The following AKT3 variants were observed in gnomAD, a reference collection of about 807,000 sequenced individuals.
AKT3 encodes the protein AKT serine/threonine kinase 3, also known as RAC-gamma serine/threonine-protein kinase.
A neutral mutation model predicts 65.3 loss-of-function variants in AKT3; 15 were observed. That is an observed-to-expected ratio of 0.23 (90% confidence interval 0.15 to 0.35). AKT3 has a LOEUF of 0.35. AKT3 is among the 10% of genes least tolerant of loss of function. AKT3 has a pLI of 1.00. For missense variants in AKT3, 243 were observed against 576.5 expected, an observed-to-expected ratio of 0.42 and a Z score of 5.92; for synonymous variants, 206 against 183.8, an observed-to-expected ratio of 1.12 and a Z score of -0.98.
chr1:243,737,776 A>T (rs939841732), intron 2 of AKT3, among the ~76,000 whole-genome samples: 4 of 152,226 alleles, frequency 2.6e-5, no homozygotes, highest in Admixed American at 6.5e-5. Context: ...TTTTGTTATA[A>T]ATCAGATGAA....
intron 2 of AKT3, among the ~76,000 whole-genome samples, chr1:243,783,048 G>C (rs1691012118): frequency 6.6e-6 from 1 of 152,140 alleles, no homozygotes; most frequent in South Asian, 2.1e-4. Flanking sequence ...GAGTGATAAA[G>C]CATCTTTTAT....
intron 10 of AKT3, among the ~76,000 whole-genome samples, chr1:243,557,623 T>TAGAA (rs999228840): frequency 2.6e-5 from 4 of 151,986 alleles, no homozygotes; most frequent in Admixed American, 1.3e-4. Flanking sequence ...CAACATACTA[T>TAGAA]AGAAAGAAAT....
At chr1:243,765,544 T>C (rs74151215) in intron 2 of AKT3, among the ~76,000 whole-genome samples, 6,747 of 152,160 alleles carry the variant, frequency 0.044, 214 homozygotes, top group Middle Eastern at 0.088. Context: ...TCTAGCGGGA[T>C]TGAAAGAGAA....
chr1:243,510,243 G>T (rs965090827), intron 13 of AKT3, among the ~76,000 whole-genome samples: 1 of 152,144 alleles, frequency 6.6e-6, no homozygotes, highest in Admixed American at 6.5e-5. Context: ...AAGTTCCTAG[G>T]CCCTCACCAT....
At chr1:243,785,425 T>C (rs1691200819) in intron 2 of AKT3, among the ~76,000 whole-genome samples, 1 of 151,448 alleles carries the variant, frequency 6.6e-6, no homozygotes, top group South Asian at 2.1e-4. Flanking sequence ...ACACAGAAAA[T>C]AGTTGTCTTT....
intron 12 of AKT3, among the ~76,000 whole-genome samples, chr1:243,529,649 T>C (rs927983170): frequency 8.5e-5 from 13 of 152,356 alleles, no homozygotes; most frequent in African/African-American, 3.1e-4. Flanking sequence ...CATTGGTCTA[T>C]GTGTCTGTTT....
intron 5 of AKT3, among the ~76,000 whole-genome samples, chr1:243,645,322 G>A (rs1680725137): frequency 6.6e-6 from 1 of 152,028 alleles, no homozygotes; most frequent in Admixed American, 6.6e-5. Flanking sequence ...CTATTGCAAT[G>A]AAAAAATTTA....
chr1:243,812,598 G>A (rs1693234741), intron 2 of AKT3, among the ~76,000 whole-genome samples: 1 of 152,176 alleles, frequency 6.6e-6, no homozygotes, highest in South Asian at 2.1e-4. Context: ...CAACCATTGT[G>A]GAAGACAGTG....
At chr1:243,498,219 T>G (rs998788534), downstream of AKT3, among the ~76,000 whole-genome samples, 2 of 150,432 alleles carry the variant, frequency 1.3e-5, no homozygotes, top group Non-Finnish European at 2.9e-5. Context: ...GTGCAAACCC[T>G]GCGTTTGACA....
chr1:243,770,922 A>G (rs897179148), intron 2 of AKT3, among the ~76,000 whole-genome samples: 1 of 152,154 alleles, frequency 6.6e-6, no homozygotes, highest in African/African-American at 2.4e-5. Context: ...TGGAGAGCAG[A>G]GAACTAAAGG....
At position 243,500,616 on chromosome 1, in the gene AKT3, A is replaced by C. The variant is rs1669193520; in HGVS notation, c.*4633T>G. The C allele has an allele frequency of 4.4e-6, 1 of 229,776 alleles. No homozygotes were observed. The highest frequency in any genetic ancestry group is 8.6e-6 in the Non-Finnish European group (1 of 115,898). The allele number at this position is 229,776 out of a possible 1,614,324, so 14.2% of individuals were successfully genotyped here. The stretch of plus-strand genomic sequence containing the variant: ...CGTGTTGTATCTGAGAATGACAAAC[A>C]CTAAAGGCAAGGCTGCAGTTAGTTA... On this transcript the variant is annotated 3_prime_UTR_variant, in exon 14 of 14. Transcript: ENST00000673466.
rs377755291 is a variant in AKT3, at chr1:243,523,306, C to CA, written c.1252-10881dup. Among the ~76,000 whole-genome samples, 43 of 147,178 alleles carry CA rather than the reference C, an allele frequency of 2.9e-4. 1 individual carries two copies. Among genetic ancestry groups the CA allele is most frequent in the African/African-American group, 1.1e-3 (42 of 38,946 alleles). On this transcript the variant is annotated intron_variant, in intron 12 of 13. Coordinates refer to ENST00000673466, the MANE Select transcript of AKT3 (RefSeq NM_005465.7). Reference sequence around the variant, plus strand: ...ACACACACACACACACACACACACACACCTTTCAGAAACCAATTGGATATC... The same window carrying CA: ...ACACACACACACACACACACACACACAACCTTTCAGAAACCAATTGGATATC...
chr1:243,534,876 T>C (rs1043379533), intron 12 of AKT3, among the ~76,000 whole-genome samples: 1 of 151,930 alleles, frequency 6.6e-6, no homozygotes, highest in African/African-American at 2.4e-5. Context: ...GTGCACAAAT[T>C]AGAAAAGATC....
chr1:243,846,249 A>C (rs1695517850), intron 1 of AKT3, among the ~76,000 whole-genome samples: 1 of 152,278 alleles, frequency 6.6e-6, no homozygotes, highest in Non-Finnish European at 1.5e-5. Flanking sequence ...ATACAGTCAG[A>C]AGCTTTCTAA....
chr1:243,566,824 G>A (rs899792856), intron 9 of AKT3, among the ~76,000 whole-genome samples: 12 of 152,164 alleles, frequency 7.9e-5, no homozygotes, highest in Admixed American at 3.3e-4. Context: ...AACATGAAGA[G>A]TTTAATGGCT....
intron 8 of AKT3, among the ~76,000 whole-genome samples, chr1:243,604,967 T>G (rs1222132473): frequency 1.3e-5 from 2 of 152,176 alleles, no homozygotes; most frequent in Admixed American, 6.5e-5. Context: ...TACTGTCATC[T>G]CTCGACATAG....
chr1:243,559,702 T>C (rs1048685649), intron 10 of AKT3, among the ~76,000 whole-genome samples: 2 of 152,046 alleles, frequency 1.3e-5, no homozygotes, highest in African/African-American at 4.8e-5. Context: ...CTAGATGAAG[T>C]ATAGGTTGCA....
intron 3 of AKT3, among the ~76,000 whole-genome samples, chr1:243,687,126 C>G (rs1424864124): frequency 6.6e-6 from 1 of 152,134 alleles, no homozygotes; most frequent in African/African-American, 2.4e-5. Flanking sequence ...GGTCTTCTGA[C>G]TACAAGTCCA....
chr1:243,700,202 G>A (rs1685359000), intron 2 of AKT3, among the ~76,000 whole-genome samples: 2 of 152,192 alleles, frequency 1.3e-5, no homozygotes, highest in African/African-American at 4.8e-5. Flanking sequence ...GACATGTACA[G>A]ATTCAGTTAG....
Sources: allele counts gnomAD v4.1 joint callset (sites outside exome capture counted in the v4.1 genomes callset), GRCh38; gene constraint gnomAD v4.1.1; transcripts MANE v1.5; gene names NCBI Gene and HGNC (gene_info 2026-07-23, HGNC 2026-07-21).